CNTN6: variants seen among roughly 807,000 people sequenced by gnomAD.
The protein encoded by CNTN6 is contactin 6, also known as contactin-6.
In CNTN6, 137 loss-of-function variants were observed where a neutral mutation model predicts 122.8. That is an observed-to-expected ratio of 1.12 (90% CI 0.97 to 1.29). The LOEUF is 1.29. CNTN6 is among the 50% of genes most tolerant of loss of function. The pLI is 0.00. For synonymous variants in CNTN6, 570 were observed against 426.0 expected (o/e 1.34, Z -4.16); for missense variants, 1,634 against 1,223.4 (o/e 1.34, Z -5.01).
chr3:1,168,517 C>T (rs2093301862), intron 2 of CNTN6, among the ~76,000 whole-genome samples: 2 of 151,326 alleles, frequency 1.3e-5, no homozygotes, highest in African/African-American at 4.9e-5. Flanking sequence ...GTTCTAAGCA[C>T]TGACTAAACA....
intron 9 of CNTN6, among the ~76,000 whole-genome samples, chr3:1,326,727 G>A (rs958305620): frequency 6.6e-6 from 1 of 151,902 alleles, no homozygotes; most frequent in African/African-American, 2.4e-5. Flanking sequence ...TTGTTTGGAA[G>A]CTGAATATAA....
chr3:1,297,142 A>G (rs1349272134), intron 6 of CNTN6, among the ~76,000 whole-genome samples: 3 of 152,074 alleles, frequency 2.0e-5, no homozygotes, highest in Non-Finnish European at 4.4e-5. Context: ...AAAATTAAGT[A>G]TTTTTATTTC....
intron 17 of CNTN6, among the ~76,000 whole-genome samples, chr3:1,380,003 G>T (rs1341275443): frequency 6.6e-6 from 1 of 152,166 alleles, no homozygotes; most frequent in Non-Finnish European, 1.5e-5. Flanking sequence ...ATGCTCAGAA[G>T]CGTAGAGGAC....
intron 4 of CNTN6, among the ~76,000 whole-genome samples, chr3:1,230,023 G>A (rs1474709880): frequency 2.0e-5 from 3 of 152,090 alleles, no homozygotes; most frequent in African/African-American, 7.2e-5. Flanking sequence ...GTGCGAGAGT[G>A]TGGAAACAGA....
intron 11 of CNTN6, among the ~76,000 whole-genome samples, chr3:1,344,516 G>C (rs1222546563): frequency 6.6e-6 from 1 of 152,170 alleles, no homozygotes; most frequent in African/African-American, 2.4e-5. Context: ...GAAACACTGG[G>C]AATCAAAGAA....
chr3:1,305,532 A>C (rs1698213954), intron 7 of CNTN6, among the ~76,000 whole-genome samples: 1 of 152,170 alleles, frequency 6.6e-6, no homozygotes, highest in Non-Finnish European at 1.5e-5. Flanking sequence ...GTGCTATGCA[A>C]ATGTAGTATG....
At chr3:1,312,061 A>G (rs1699409401) in intron 7 of CNTN6, among the ~76,000 whole-genome samples, 1 of 152,076 alleles carries the variant, frequency 6.6e-6, no homozygotes, top group Non-Finnish European at 1.5e-5. Context: ...TAAATGGAAC[A>G]CTATGTAAAA....
rs538391518 is a variant in CNTN6 at position 1,097,995 on chromosome 3, T to C, written c.-83+4875T>C. Among the ~76,000 whole-genome samples the C allele has an allele frequency of 4.0e-5, 6 of 151,666 alleles. 1 individual carries two copies. The East Asian group carries it at 1.2e-3, about 30-fold the overall frequency. On this transcript the variant is annotated intron_variant, in intron 1 of 22. Coordinates refer to ENST00000446702, the MANE Select transcript of CNTN6 (RefSeq NM_001289080.2). ...GCTCAGGAAAAATGGTGAGAAGATA[T>C]AGAGATGCTGGTCTCTGGATCCAAC... is the stretch of plus-strand genomic sequence containing the variant.
intron 7 of CNTN6, among the ~76,000 whole-genome samples, chr3:1,314,009 G>C (rs1385328057): frequency 6.6e-6 from 1 of 152,036 alleles, no homozygotes; most frequent in Non-Finnish European, 1.5e-5. Context: ...TTAGGGGTTA[G>C]GTTTCCAACC....
At chr3:1,245,307 TATATA>T (rs2094563948) in intron 4 of CNTN6, among the ~76,000 whole-genome samples, 1 of 9,798 alleles carries the variant, frequency 1.0e-4, no homozygotes, top group African/African-American at 4.6e-4. Context: ...TATATATATA[TATATA>T]TATATATATA....
chr3:1,160,068 C>A (rs1027724776), intron 2 of CNTN6, among the ~76,000 whole-genome samples: 17 of 152,044 alleles, frequency 1.1e-4, no homozygotes, highest in African/African-American at 3.9e-4. Flanking sequence ...ATCCATCTGC[C>A]TTAGCCTCCC....
At chr3:1,176,837 C>G (rs1291825134) in intron 2 of CNTN6, among the ~76,000 whole-genome samples, 1 of 152,050 alleles carries the variant, frequency 6.6e-6, no homozygotes, top group African/African-American at 2.4e-5. Flanking sequence ...ATTAATGAGT[C>G]AAAATGTACT....
intron 2 of CNTN6, among the ~76,000 whole-genome samples, chr3:1,205,536 C>T (rs574223814): frequency 2.0e-5 from 3 of 152,246 alleles, no homozygotes; most frequent in Admixed American, 1.3e-4. Flanking sequence ...CAAAGCAATG[C>T]CATCAAACTC....
chr3:1,286,373 G>T (rs748479997), intron 5 of CNTN6, among the ~76,000 whole-genome samples: 95 of 152,156 alleles, frequency 6.2e-4, no homozygotes, highest in Non-Finnish European at 1.0e-3. Flanking sequence ...GTAGGCCCCA[G>T]TGTGTGATGG....
In CNTN6 at chr3:1,245,213, T is replaced by C. The variant is rs1381374023; in HGVS notation, c.358+17220T>C. ...AGAAAATGTGATATATATATATATA[T>C]ATATATATATATATATATATATACA... On this transcript the variant is annotated intron_variant, in intron 4 of 22. Coordinates refer to ENST00000446702, the MANE Select transcript of CNTN6 (RefSeq NM_001289080.2). Among the ~76,000 whole-genome samples, 2 of 23,184 alleles carry C rather than the reference T, an allele frequency of 8.6e-5. 1 individual carries two copies. Among genetic ancestry groups the C allele is most frequent in the Non-Finnish European group, 1.4e-4 (2 of 14,412 alleles). 15.2% of individuals were successfully genotyped at this position (23,184 alleles called of 152,430 possible).
At chr3:1,245,323 T>TATATATC (rs2094567379) in intron 4 of CNTN6, among the ~76,000 whole-genome samples, 1 of 49,082 alleles carries the variant, frequency 2.0e-5, no homozygotes, top group African/African-American at 9.8e-5. Flanking sequence ...TATATATATA[T>TATATATC]ATATATATAT....
intron 2 of CNTN6, among the ~76,000 whole-genome samples, chr3:1,193,747 A>C (rs950061450): frequency 6.6e-6 from 1 of 152,096 alleles, no homozygotes; most frequent in East Asian, 1.9e-4. Flanking sequence ...CCTTATTTGT[A>C]TATGATGCAG....
Position 1,295,793 on chromosome 3 carries a change from A to C in CNTN6, c.647A>C (p.Gln216Pro). The C allele has an allele frequency of 6.2e-7, 1 of 1,611,278 alleles. No homozygotes were observed. The highest frequency in any genetic ancestry group is 8.5e-7 in the Non-Finnish European group (1 of 1,177,412). Residue 216 changes from glutamine to proline, a missense_variant, in exon 6 of 23, where the codon CAG (glutamine) becomes CCG (proline). Physicochemically the swap from Gln to Pro is moderately conservative, Grantham distance 76. Transcript: ENST00000446702. ...CAAGGTCCACCCACTCCATTAGTGCAGCGCACTGATGGTAAGATAATGAGT... is the reference window on the plus strand; with the variant it reads ...CAAGGTCCACCCACTCCATTAGTGCCGCGCACTGATGGTAAGATAATGAGT... ...SVQGPPTPLV[Q>P]RTDGVMGEYE...
At chr3:1,275,354 C>T (rs1559679167) in intron 4 of CNTN6, among the ~76,000 whole-genome samples, 1 of 152,128 alleles carries the variant, frequency 6.6e-6, no homozygotes, top group East Asian at 1.9e-4. Flanking sequence ...TTGGCTTTTT[C>T]CCCAAACTCT....
Sources: allele counts gnomAD v4.1 joint callset (sites outside exome capture counted in the v4.1 genomes callset), GRCh38; gene constraint gnomAD v4.1.1; transcripts MANE v1.5; gene names NCBI Gene and HGNC (gene_info 2026-07-23, HGNC 2026-07-21).